FAAP100: variants seen among roughly 807,000 people sequenced by gnomAD.
FAAP100 encodes FA core complex associated protein 100.
In FAAP100, 46 loss-of-function variants were observed where a neutral mutation model predicts 65.8. That is an observed-to-expected ratio of 0.70 (90% CI 0.55 to 0.89). FAAP100 has a LOEUF of 0.89. Among genes scored for constraint, FAAP100 ranks in the 40% least tolerant of loss-of-function variants. FAAP100 has a pLI of 0.00. For missense variants in FAAP100, 1,165 were observed against 1,196.7 expected, an observed-to-expected ratio of 0.97 and a Z score of 0.39; for synonymous variants, 663 against 555.1, an observed-to-expected ratio of 1.19 and a Z score of -2.73.
rs145062116 is a variant in FAAP100, at chr17:81,543,905, G to A, written c.2427+99C>T. The A allele has an allele frequency of 9.6e-5, 105 of 1,091,748 alleles. No homozygotes were observed. In the African/African-American group the frequency reaches 1.4e-3, roughly 15 times the overall value. The allele number at this position is 1,091,748 out of a possible 1,614,324, so 67.6% of individuals were successfully genotyped here. A position where few individuals can be genotyped will look rare whatever the true frequency, so the allele number is the denominator to read the frequency against. On this transcript the variant is annotated intron_variant, in intron 7 of 8. Coordinates refer to ENST00000327787, the MANE Select transcript of FAAP100 (RefSeq NM_025161.6). ...GATCTTCCTACAACTCCCTTGCAGG[G>A]AGCCGCAGACCCCGTGGCCAGCAGC...
chr17:81,545,497 G>T (rs2033266600), intron 6 of FAAP100, among the ~76,000 whole-genome samples: 1 of 152,248 alleles, frequency 6.6e-6, no homozygotes, highest in African/African-American at 2.4e-5. Flanking sequence ...CTGTGCAGGG[G>T]AAGGGGACCC....
chr17:81,552,728 GC>G (rs1483814906), upstream of FAAP100, among the ~76,000 whole-genome samples: 1 of 152,156 alleles, frequency 6.6e-6, no homozygotes, highest in African/African-American at 2.4e-5. Flanking sequence ...TTGCGTAAAC[GC>G]CTCGATTCTC....
intron 2 of FAAP100, among the ~76,000 whole-genome samples, chr17:81,551,580 C>A (rs549188062): frequency 5.3e-5 from 8 of 152,356 alleles, no homozygotes; most frequent in African/African-American, 1.9e-4. Context: ...CCACTGATCA[C>A]TGACTCGGGG....
At chr17:81,552,388 C>A, upstream of FAAP100, 1 of 1,301,698 alleles carries the variant, frequency 7.7e-7, no homozygotes, top group Non-Finnish European at 9.7e-7. Flanking sequence ...GGCTCCGCCT[C>A]GGAGCGCTTT....
intron 3 of FAAP100, 102 bp downstream of exon 3, chr17:81,550,146 A>G: frequency 8.4e-7 from 1 of 1,193,496 alleles, no homozygotes; most frequent in East Asian, 2.4e-5. Context: ...AGCCTTGCAA[A>G]AGAACAAGCC....
rs555554823 is a variant in FAAP100, at chr17:81,547,303, G to A, written c.1779C>T (p.Asp593=). 7.3e-5 allele frequency: 118 copies of A among 1,612,208 alleles called. 1 individual carries two copies. In the South Asian group the frequency reaches 1.2e-3, roughly 16 times the overall value. Residue 593 remains aspartate (D), a synonymous_variant, in exon 5 of 9, where the codon GAC becomes GAT. Coordinates refer to ENST00000327787, the MANE Select transcript of FAAP100 (RefSeq NM_025161.6). Reference sequence around the variant, plus strand: ...GCGTGCAGGACACGGTCACGGGCAGGTCGAGCCCGCCGTTCTCACCAGGGC... The same window carrying A: ...GCGTGCAGGACACGGTCACGGGCAGATCGAGCCCGCCGTTCTCACCAGGGC... ...PLGPGENGGL[D]LPVTVSCTLF...
chr17:81,552,343 C>A lies in FAAP100; in HGVS notation c.-13G>T. 9 of 1,363,542 alleles carry A rather than the reference C, an allele frequency of 6.6e-6. No individual in the cohort carries two copies. The highest frequency in any genetic ancestry group is 1.8e-5 in the South Asian group (1 of 56,186). The allele number at this position is 1,363,542 out of a possible 1,614,324, so 84.5% of individuals were successfully genotyped here. A position where few individuals can be genotyped will look rare whatever the true frequency, so the allele number is the denominator to read the frequency against. On this transcript the variant is annotated 5_prime_UTR_variant, in exon 1 of 9. Transcript: ENST00000327787. ...CGGCGCCGGCCATCGTGCGCGCGGG[C>A]CCGTCAGAGTGAGAAGCCCCGGCCG...
At chr17:81,542,935 C>T (rs532452978) in intron 7 of FAAP100, among the ~76,000 whole-genome samples, 76 of 152,348 alleles carry the variant, frequency 5.0e-4, no homozygotes, top group African/African-American at 1.8e-3. Context: ...GGAGAACCCC[C>T]TGGTGCCCCC....
chr17:81,551,309 G>GACCC (rs2033486694), intron 2 of FAAP100, 106 bp from the exon 3 acceptor site: 20 of 1,154,600 alleles, frequency 1.7e-5, no homozygotes, highest in Non-Finnish European at 2.2e-5. Context: ...TTCCCGCAGT[G>GACCC]ACCCCCAAGG....
Position 81,543,991 on chromosome 17 carries a change from C to T in FAAP100, c.2427+13G>A, listed in dbSNP as rs777895974. On this transcript the variant is annotated intron_variant, in intron 7 of 8. Coordinates refer to ENST00000327787, the MANE Select transcript of FAAP100 (RefSeq NM_025161.6). ...CACAGATCCTGGCCACCTTCCCCAG[C>T]GGGCCGACATACCTGCATGCGCCCG... is the stretch of plus-strand genomic sequence containing the variant. The T allele has an allele frequency of 8.1e-6, 13 of 1,601,432 alleles. No homozygotes were observed. The highest frequency in any genetic ancestry group is 1.7e-4 in the Middle Eastern group (1 of 6,026).
At chr17:81,548,026 C>T in intron 4 of FAAP100, 1 of 692,086 alleles carries the variant, frequency 1.4e-6, no homozygotes, top group Middle Eastern at 2.6e-4. Context: ...CCGGGTGGTG[C>T]ATTACCCCAC....
intron 3 of FAAP100, among the ~76,000 whole-genome samples, 172 bp downstream of exon 3, chr17:81,550,076 C>G (rs1408650144): frequency 6.6e-6 from 1 of 152,202 alleles, no homozygotes; most frequent in East Asian, 1.9e-4. Flanking sequence ...GGCCCACCAC[C>G]AGCCCCTGGC....
At position 81,550,602 on chromosome 17, in the gene FAAP100, C is replaced by T. The variant is rs1210609528; in HGVS notation, c.892G>A (p.Ala298Thr). 1.2e-6 allele frequency: 2 copies of T among 1,612,958 alleles called. No individual in the cohort carries two copies. The highest frequency in any genetic ancestry group is 8.5e-7 in the Non-Finnish European group (1 of 1,180,022). Residue 298 changes from alanine (A) to threonine (T), a missense_variant, in exon 3 of 9, where the codon GCA becomes ACA. Transcript: ENST00000327787. ...TCCTCGTCAGGCAGAAAATTCTCTG[C>T]AGCTTCTGCAGCCTGTGGCTCTGTC... ...LKTEPQAAEA[A>T]ENFLPDEDVH... is the part of the protein sequence containing the mutation.
Position 81,540,899 on chromosome 17 carries a change from C to T in FAAP100, c.2566G>A (p.Glu856Lys), listed in dbSNP as rs1283594510. The change falls in exon 9 of 9, where the codon GAG (glutamate) becomes AAG (lysine). Residue 856 changes from glutamate to lysine, a missense_variant. By Grantham distance (56) the Glu-to-Lys change is moderately conservative. Coordinates refer to ENST00000327787, the MANE Select transcript of FAAP100 (RefSeq NM_025161.6). Reference protein sequence around the residue: ...TLRDRLCTEDEASSCATAQRL... With the variant: ...TLRDRLCTEDKASSCATAQRL... ...TGGGCGGTGGCACAGGAGCTGGCCTCATCCTCCGTGCAGAGCCGGTCGCGC... is the reference window on the plus strand; with the variant it reads ...TGGGCGGTGGCACAGGAGCTGGCCTTATCCTCCGTGCAGAGCCGGTCGCGC... The T allele has an allele frequency of 6.3e-7, 1 of 1,589,268 alleles. No individual in the cohort carries two copies. The highest frequency in any genetic ancestry group is 1.1e-5 in the South Asian group (1 of 88,412).
chr17:81,550,810 G>A lies in FAAP100; in HGVS notation c.684C>T (p.Leu228=), dbSNP rs1370548040. The A allele has an allele frequency of 2.5e-6, 4 of 1,612,644 alleles. No individual in the cohort carries two copies. The Admixed American group carries it at 5.0e-5, about 20-fold the overall frequency. ...FTLEDALFGL[L]FGADATLLQS... ...GCAGGAGGGTGGCATCAGCTCCAAA[G>A]AGGAGCCCGAAGAGGGCGTCCTCCA... Residue 228 remains leucine (L), a synonymous_variant, in exon 3 of 9, where the codon CTC becomes CTT. Coordinates refer to ENST00000327787, the MANE Select transcript of FAAP100 (RefSeq NM_025161.6).
chr17:81,547,946 G>A, intron 4 of FAAP100: 1 of 704,140 alleles, frequency 1.4e-6, no homozygotes, highest in Non-Finnish European at 2.6e-6. Flanking sequence ...GATGAAGCTG[G>A]TGCTCCGGGG....
chr17:81,541,029 C>T, intron 8 of FAAP100, 79 bp from the exon 9 acceptor site: 1 of 1,450,988 alleles, frequency 6.9e-7, no homozygotes, highest in East Asian at 2.4e-5. Context: ...GGACCCACCA[C>T]TCGCAGGACC....
intron 5 of FAAP100, among the ~76,000 whole-genome samples, chr17:81,546,137 C>A (rs1010019581): frequency 6.6e-6 from 1 of 152,234 alleles, no homozygotes. Context: ...AAGGTGAAAA[C>A]CTCACTTTGG....
intron 8 of FAAP100, 21 bp downstream of exon 8, chr17:81,541,288 C>G (rs1241785279): frequency 6.2e-7 from 1 of 1,601,706 alleles, no homozygotes; most frequent in Non-Finnish European, 8.5e-7. Context: ...AAGGGGACTG[C>G]CCGGGGAACC....
Sources: gnomAD v4.1 joint callset for allele counts (sites outside exome capture counted in the v4.1 genomes callset) on GRCh38, gnomAD v4.1.1 for gene constraint, MANE v1.5 for transcripts, NCBI Gene and HGNC (gene_info 2026-07-23, HGNC 2026-07-21) for gene names.